MCMBP: variants seen among roughly 807,000 people sequenced by gnomAD.
MCMBP encodes the protein mini-chromosome maintenance complex-binding protein.
A neutral mutation model predicts 81.3 loss-of-function variants in MCMBP; 31 were observed. That is an observed-to-expected ratio of 0.38 (90% CI 0.29 to 0.51). The LOEUF is 0.51. Ranked by LOEUF, MCMBP falls within the 20% of genes least tolerant of loss-of-function variation. The pLI is 0.87. For missense variants in MCMBP, 645 were observed against 772.1 expected, an observed-to-expected ratio of 0.84 and a Z score of 1.95; for synonymous variants, 267 against 275.9, an observed-to-expected ratio of 0.97 and a Z score of 0.32.
At chr10:119,849,278 TA>T in intron 7 of MCMBP, 146 bp downstream of exon 7, 1 of 771,170 alleles carries the variant, frequency 1.3e-6, no homozygotes, top group South Asian at 2.0e-5. Flanking sequence ...TGTAAGATGA[TA>T]AACTTTTGCT....
intron 1 of MCMBP, among the ~76,000 whole-genome samples, chr10:119,867,218 G>C (rs556668241): frequency 3.4e-5 from 5 of 146,536 alleles, no homozygotes; most frequent in Admixed American, 2.8e-4. Flanking sequence ...GCTTGAACCT[G>C]GGAGGGAGAG....
intron 5 of MCMBP, among the ~76,000 whole-genome samples, chr10:119,854,045 C>CTTT (rs111657130): frequency 1.4e-5 from 2 of 140,020 alleles, no homozygotes; most frequent in African/African-American, 2.6e-5. Flanking sequence ...TTTTCCTTTT[C>CTTT]TTTTTTTTTT....
At chr10:119,849,357 C>T in intron 7 of MCMBP, 68 bp downstream of exon 7, 1 of 1,510,482 alleles carries the variant, frequency 6.6e-7, no homozygotes, top group Non-Finnish European at 9.0e-7. Context: ...AATGCAAATG[C>T]TCAGACACTA....
At chr10:119,847,504 A>G (rs1449252373) in intron 8 of MCMBP, 109 bp downstream of exon 8, 1 of 568,324 alleles carries the variant, frequency 1.8e-6, no homozygotes, top group Admixed American at 3.3e-5. Context: ...CAACTGGTAC[A>G]TCTGGGAGAA....
In MCMBP at chr10:119,859,805, A is replaced by T; in HGVS notation, c.138T>A (p.Pro46=). 2 of 1,611,262 alleles carry T rather than the reference A, an allele frequency of 1.2e-6. No individual in the cohort carries two copies. Among genetic ancestry groups the T allele is most frequent in the Non-Finnish European group, 1.7e-6 (2 of 1,177,756 alleles). ...FKEKLKENNA[P]KWVPSLNEVP... ...AAAATAGCAATAAGCTTACCCACTTAGGAGCATTATTTTCCTTCAGCTTTT... is the reference window on the plus strand; with the variant it reads ...AAAATAGCAATAAGCTTACCCACTTTGGAGCATTATTTTCCTTCAGCTTTT... Residue 46 remains proline (P), a synonymous_variant, in exon 2 of 16, where the codon CCT becomes CCA. Coordinates refer to ENST00000369077, the MANE Select transcript of MCMBP (RefSeq NM_001256378.2).
intron 5 of MCMBP, 37 bp from the exon 6 acceptor site, chr10:119,853,231 G>C (rs1159391951): frequency 2.5e-6 from 4 of 1,580,142 alleles, no homozygotes; most frequent in Non-Finnish European, 3.5e-6. Flanking sequence ...ATCATAAACT[G>C]AGGAATATCC....
intron 14 of MCMBP, among the ~76,000 whole-genome samples, chr10:119,834,022 ACT>A (rs1483897481): frequency 6.6e-6 from 1 of 152,208 alleles, no homozygotes; most frequent in Non-Finnish European, 1.5e-5. Context: ...AGATAAGTTC[ACT>A]GAGATTAGTC....
rs754467107 is a variant in MCMBP, at chr10:119,853,090, G to A, written c.534C>T (p.Pro178=). Reference sequence around the variant, plus strand: ...CTGCATGTTGGTCTTTCTGCTTATTGGGCTGTAGGTCCATATCGTCATCAT... The same window carrying A: ...CTGCATGTTGGTCTTTCTGCTTATTAGGCTGTAGGTCCATATCGTCATCAT... The part of the protein sequence containing the change: ...YEDDDDMDLQ[P]NKQKDQHAGA... The change falls in exon 6 of 16, where the codon CCC becomes CCT. Residue 178 remains proline, a synonymous_variant. Transcript: ENST00000369077. The A allele has an allele frequency of 6.2e-7, 1 of 1,614,142 alleles. No individual in the cohort carries two copies. The highest frequency in any genetic ancestry group is 1.7e-5 in the Admixed American group (1 of 60,020).
chr10:119,854,952 CAAAAAA>C (rs748009891), intron 5 of MCMBP, among the ~76,000 whole-genome samples: 4 of 144,216 alleles, frequency 2.8e-5, no homozygotes, highest in Non-Finnish European at 6.1e-5. Flanking sequence ...GACTCTGCCT[CAAAAAA>C]AAAAAAAAAA....
Position 119,857,385 on chromosome 10 carries a change from T to A in MCMBP, c.382A>T (p.Thr128Ser). 1.2e-6 allele frequency: 2 copies of A among 1,611,806 alleles called. No homozygotes were observed. Among genetic ancestry groups the A allele is most frequent in the Non-Finnish European group, 1.7e-6 (2 of 1,178,322 alleles). Residue 128 changes from threonine (T) to serine (S), a missense_variant, in exon 5 of 16, where the codon ACT (threonine) becomes TCT (serine). Physicochemically the swap from Thr to Ser is moderately conservative, Grantham distance 58. Coordinates refer to ENST00000369077, the MANE Select transcript of MCMBP (RefSeq NM_001256378.2). ...CCAGGCACCGGAACACAATAGAAAG[T>A]CTGTCTTTCCAAAGTGGTATTTCGT... ...SPRNTTLERQ[T>S]FYCVPVPGES...
intron 8 of MCMBP, among the ~76,000 whole-genome samples, chr10:119,846,638 C>T (rs1354762210): frequency 2.0e-5 from 3 of 152,146 alleles, no homozygotes; most frequent in African/African-American, 4.8e-5. Context: ...ACTGACATCG[C>T]ATGCCTCCTG....
chr10:119,844,068 T>C (rs1852532236), intron 8 of MCMBP, among the ~76,000 whole-genome samples: 1 of 152,236 alleles, frequency 6.6e-6, no homozygotes, highest in Non-Finnish European at 1.5e-5. Flanking sequence ...GGCCGGGACA[T>C]CGAATACTTG....
At chr10:119,860,062 C>G (rs1489609071) in intron 1 of MCMBP, among the ~76,000 whole-genome samples, 178 bp from the exon 2 acceptor site, 1 of 152,084 alleles carries the variant, frequency 6.6e-6, no homozygotes, top group Non-Finnish European at 1.5e-5. Flanking sequence ...AAGTACTGCA[C>G]AAGACACATT....
chr10:119,869,718 C>G (rs747627259), intron 1 of MCMBP, among the ~76,000 whole-genome samples: 1 of 151,864 alleles, frequency 6.6e-6, no homozygotes, highest in Non-Finnish European at 1.5e-5. Context: ...GTGACAAGAA[C>G]GAAACTCCAT....
At chr10:119,862,285 C>T (rs991175337) in intron 1 of MCMBP, among the ~76,000 whole-genome samples, 20 of 151,996 alleles carry the variant, frequency 1.3e-4, no homozygotes, top group South Asian at 2.1e-4. Context: ...CCAGCCTGGG[C>T]GACTAGAGTG....
At position 119,847,765 on chromosome 10, in the gene MCMBP, G is replaced by A. The variant is rs770230979; in HGVS notation, c.727-52C>T. The A allele has an allele frequency of 1.0e-5, 11 of 1,090,814 alleles. No individual in the cohort carries two copies. The East Asian group carries it at 2.7e-4, about 26-fold the overall frequency. The allele number at this position is 1,090,814 out of a possible 1,614,324, so 67.6% of individuals were successfully genotyped here. On this transcript the variant is annotated intron_variant, in intron 7 of 15. Transcript: ENST00000369077. ...CTGTTAGAACAGACACAAAGCTTAAGATATTAGTCTTGAAGTACCAATATC... is the reference window on the plus strand; with the variant it reads ...CTGTTAGAACAGACACAAAGCTTAAAATATTAGTCTTGAAGTACCAATATC...
Position 119,838,767 on chromosome 10 carries a change from G to GA in MCMBP, c.1243-68dup, listed in dbSNP as rs1212373071. On this transcript the variant is annotated intron_variant, in intron 11 of 15. Coordinates refer to ENST00000369077, the MANE Select transcript of MCMBP (RefSeq NM_001256378.2). ...CCTGTTTTAAGAAAATATGTACTTG[G>GA]AATTAAACATTGTGTTTCATATGGA... 3 of 1,367,760 alleles carry GA rather than the reference G, an allele frequency of 2.2e-6. No individual in the cohort carries two copies. In the East Asian group the frequency reaches 7.1e-5, roughly 32 times the overall value. 84.7% of individuals were successfully genotyped at this position (1,367,760 alleles called of 1,614,324 possible). A position where few individuals can be genotyped will look rare whatever the true frequency, so the allele number is the denominator to read the frequency against.
At chr10:119,847,372 A>G (rs1852652766) in intron 8 of MCMBP, among the ~76,000 whole-genome samples, 1 of 152,196 alleles carries the variant, frequency 6.6e-6, no homozygotes, top group South Asian at 2.1e-4. Context: ...CTCTTAGGAA[A>G]TGTTGACAAG....
chr10:119,870,057 G>A (rs891114171), intron 1 of MCMBP, among the ~76,000 whole-genome samples: 9 of 152,126 alleles, frequency 5.9e-5, no homozygotes, highest in African/African-American at 1.9e-4. Flanking sequence ...CTACTGCCCT[G>A]GACAGCACAC....
Sources: allele counts gnomAD v4.1 joint callset (sites outside exome capture counted in the v4.1 genomes callset), GRCh38; gene constraint gnomAD v4.1.1; transcripts MANE v1.5; gene names NCBI Gene and HGNC (gene_info 2026-07-23, HGNC 2026-07-21).